The following TIRAP variants were observed in gnomAD, a reference collection of about 807,000 sequenced individuals.
The protein encoded by TIRAP is TIR domain containing adaptor protein.
Under a neutral mutation model 19.8 loss-of-function variants are expected in TIRAP, and 20 were observed. The observed-to-expected ratio is 1.01, with a 90% CI of 0.71 to 1.47. The LOEUF (loss-of-function observed/expected upper bound fraction) is 1.47. TIRAP is among the 40% of genes most tolerant of loss of function. The probability of loss-of-function intolerance (pLI) is 0.00; values close to 1 mark genes in which losing one functional copy is unlikely to be tolerated. For synonymous variants in TIRAP, 125 were observed against 121.7 expected (o/e 1.03, Z -0.18); for missense variants, 276 against 285.1 (o/e 0.97, Z 0.23).
chr11:126,292,171 G>A lies in TIRAP; in HGVS notation c.68-306G>A, dbSNP rs1051230837. 2.6e-5 allele frequency among the ~76,000 whole-genome samples: 4 copies of A among 151,706 alleles called. 1 individual carries two copies. Among genetic ancestry groups the A allele is most frequent in the African/African-American group, 9.7e-5 (4 of 41,124 alleles). On this transcript the variant is annotated intron_variant, in intron 3 of 4. Transcript: ENST00000392679. ...ATACAAAAATTAGCCAGGTGTGGTGGTGCATGCCTGTAATCCCAGCTACTC... is the reference window on the plus strand; with the variant it reads ...ATACAAAAATTAGCCAGGTGTGGTGATGCATGCCTGTAATCCCAGCTACTC...
intron 4 of TIRAP, 122 bp downstream of exon 4, chr11:126,293,177 C>T (rs902940878): frequency 3.0e-5 from 47 of 1,550,586 alleles, no homozygotes; most frequent in South Asian, 7.0e-5. Flanking sequence ...AAAAGGCTGT[C>T]GGGGTTTGTA....
chr11:126,283,183 G>C (rs1591370462), intron 1 of TIRAP, 30 bp downstream of exon 1: 1 of 975,332 alleles, frequency 1.0e-6, no homozygotes, highest in Non-Finnish European at 1.2e-6. Flanking sequence ...GCGGGGGACC[G>C]GGAGGCGCGG....
Position 126,291,051 on chromosome 11 carries a change from A to T in TIRAP, c.67+90A>T. 6.9e-7 allele frequency: 1 copy of T among 1,439,022 alleles called. No individual in the cohort carries two copies. The highest frequency in any genetic ancestry group is 2.5e-5 in the East Asian group (1 of 40,176). The allele number at this position is 1,439,022 out of a possible 1,614,324, so 89.1% of individuals were successfully genotyped here. On this transcript the variant is annotated intron_variant, in intron 3 of 4. Coordinates refer to ENST00000392679, the MANE Select transcript of TIRAP (RefSeq NM_001318777.2). The surrounding 1 kb of genome is among the most constrained non-coding windows in gnomAD (Gnocchi z 5.6). ...GCGGTGGGAGGCCTGCCTGGTCCAA[A>T]CTCAGAGAGACGCAGGAAGGCTGAC...
At chr11:126,283,755 G>A (rs1193443111) in intron 1 of TIRAP, among the ~76,000 whole-genome samples, 1 of 152,176 alleles carries the variant, frequency 6.6e-6, no homozygotes, top group Non-Finnish European at 1.5e-5. Flanking sequence ...CAACAGAGAG[G>A]GGGAAGTGTG....
At position 126,287,413 on chromosome 11, in the gene TIRAP, C is replaced by T. The variant is rs978680647; in HGVS notation, c.-216-3049C>T. 1.6e-4 allele frequency among the ~76,000 whole-genome samples: 25 copies of T among 151,894 alleles called. No individual in the cohort carries two copies. The highest frequency in any genetic ancestry group is 9.2e-4 in the Admixed American group (14 of 15,252). On this transcript the variant is annotated intron_variant, in intron 1 of 4. Coordinates refer to ENST00000392679, the MANE Select transcript of TIRAP (RefSeq NM_001318777.2). The surrounding 1 kb of genome is among the most constrained non-coding windows in gnomAD (Gnocchi z 4.2). ...TCGGCTCACTGCAACCTCCACCTCC[C>T]GGGTTCAAGTGATTCTCCTGCCTCA...
chr11:126,286,012 A>ACACTG (rs1951317783), intron 1 of TIRAP, among the ~76,000 whole-genome samples: 1 of 149,402 alleles, frequency 6.7e-6, no homozygotes, highest in African/African-American at 2.5e-5. Context: ...TGTAATCACA[A>ACACTG]CACTGCACTC....
intron 4 of TIRAP, 179 bp downstream of exon 4, chr11:126,293,234 T>G: frequency 2.7e-6 from 3 of 1,113,930 alleles, no homozygotes; most frequent in Non-Finnish European, 2.6e-6. Context: ...CTTGGCCAAG[T>G]TACTCACCCG....
In TIRAP at chr11:126,283,148, G is replaced by T. The variant is rs1036349914; in HGVS notation, c.-222G>T. The T allele has an allele frequency of 1.0e-6, 1 of 984,684 alleles. No individual in the cohort carries two copies. Among genetic ancestry groups the T allele is most frequent in the Admixed American group, 6.2e-5 (1 of 16,208 alleles). The allele number at this position is 984,684 out of a possible 1,614,324, so 61.0% of individuals were successfully genotyped here. A position where few individuals can be genotyped will look rare whatever the true frequency, so the allele number is the denominator to read the frequency against. On this transcript the variant is annotated 5_prime_UTR_variant, in exon 1 of 5. Coordinates refer to ENST00000392679, the MANE Select transcript of TIRAP (RefSeq NM_001318777.2). ...CAGCCCTCATCGCAACTGGGCCCGCGCGCAGGTGAGCCCGGGGCGGGGTCG... is the reference window on the plus strand; with the variant it reads ...CAGCCCTCATCGCAACTGGGCCCGCTCGCAGGTGAGCCCGGGGCGGGGTCG...
chr11:126,290,453 C>T lies in TIRAP; in HGVS notation c.-216-9C>T. 1 of 990,994 alleles carries T rather than the reference C, an allele frequency of 1.0e-6. No homozygotes were observed. The highest frequency in any genetic ancestry group is 1.2e-6 in the Non-Finnish European group (1 of 833,756). 61.4% of individuals were successfully genotyped at this position (990,994 alleles called of 1,614,324 possible). A position where few individuals can be genotyped will look rare whatever the true frequency, so the allele number is the denominator to read the frequency against. On this transcript the variant is annotated splice_polypyrimidine_tract_variant and intron_variant, in intron 1 of 4. Coordinates refer to ENST00000392679, the MANE Select transcript of TIRAP (RefSeq NM_001318777.2). This position sits in a 1 kb window ranked among gnomAD's most constrained non-coding sequence, Gnocchi z 4.9. The stretch of plus-strand genomic sequence containing the variant: ...CCAAATAGCAACTGTCCTTCTTCTG[C>T]CATTTCAGGCCTTACATAGGAAGTC...
intron 1 of TIRAP, among the ~76,000 whole-genome samples, chr11:126,283,460 CAG>C (rs1441942700): frequency 2.0e-5 from 3 of 152,268 alleles, no homozygotes; most frequent in Admixed American, 2.0e-4. Flanking sequence ...GCCTGGCGCT[CAG>C]TGCGTTGTGG....
intron 3 of TIRAP, among the ~76,000 whole-genome samples, chr11:126,292,069 GC>G (rs1477502239): frequency 6.6e-6 from 1 of 152,036 alleles, no homozygotes; most frequent in Non-Finnish European, 1.5e-5. Context: ...ACTTTGGGAG[GC>G]TGAGGCGGGC....
chr11:126,285,798 G>C (rs1591371640), intron 1 of TIRAP, among the ~76,000 whole-genome samples: 1 of 151,732 alleles, frequency 6.6e-6, no homozygotes, highest in Admixed American at 6.6e-5. Flanking sequence ...AGCACTTTGG[G>C]AGGCTGAGGT....
chr11:126,292,466 C>T lies in TIRAP; in HGVS notation c.68-11C>T, dbSNP rs757708701. 1.2e-6 allele frequency: 2 copies of T among 1,613,100 alleles called. No homozygotes were observed. The highest frequency in any genetic ancestry group is 1.7e-5 in the Admixed American group (1 of 59,918). Reference sequence around the variant, plus strand: ...TAACACACAGGCCTGAGCAGTGTTTCTCCCCCACAGACTGGTTCAGGCAGA... The same window carrying T: ...TAACACACAGGCCTGAGCAGTGTTTTTCCCCCACAGACTGGTTCAGGCAGA... On this transcript the variant is annotated splice_polypyrimidine_tract_variant and intron_variant, in intron 3 of 4. Coordinates refer to ENST00000392679, the MANE Select transcript of TIRAP (RefSeq NM_001318777.2).
At position 126,287,377 on chromosome 11, in the gene TIRAP, G is replaced by A. The variant is rs1478928769; in HGVS notation, c.-216-3085G>A. Among the ~76,000 whole-genome samples the A allele has an allele frequency of 6.6e-6, 1 of 151,812 alleles. No homozygotes were observed. Among genetic ancestry groups the A allele is most frequent in the African/African-American group, 2.4e-5 (1 of 41,286 alleles). On this transcript the variant is annotated intron_variant, in intron 1 of 4. Coordinates refer to ENST00000392679, the MANE Select transcript of TIRAP (RefSeq NM_001318777.2). The surrounding 1 kb of genome is among the most constrained non-coding windows in gnomAD (Gnocchi z 4.2). ...GCTCTGTTGCCCAGGCTGGAGTGCA[G>A]TGGCATGATCTCGGCTCACTGCAAC...
intron 1 of TIRAP, among the ~76,000 whole-genome samples, chr11:126,286,056 A>G (rs1951318746): frequency 7.2e-6 from 1 of 138,762 alleles, no homozygotes; most frequent in African/African-American, 2.7e-5. Context: ...CCTCTCTGGA[A>G]AAAAAAAAAA....
At chr11:126,286,054 GAAAAAAAAAAAA>G (rs1182840430) in intron 1 of TIRAP, among the ~76,000 whole-genome samples, 1 of 48,326 alleles carries the variant, frequency 2.1e-5, no homozygotes, top group African/African-American at 8.5e-5. Flanking sequence ...ACCCTCTCTG[GAAAAAAAAAAAA>G]AAAAAAAAAA....
chr11:126,290,472 G>C lies in TIRAP; in HGVS notation c.-206G>C, dbSNP rs1214438553. The C allele has an allele frequency of 1.3e-5, 13 of 994,546 alleles. No individual in the cohort carries two copies. The highest frequency in any genetic ancestry group is 1.6e-5 in the Non-Finnish European group (13 of 836,298). The allele number at this position is 994,546 out of a possible 1,614,324, so 61.6% of individuals were successfully genotyped here. A position where few individuals can be genotyped will look rare whatever the true frequency, so the allele number is the denominator to read the frequency against. On this transcript the variant is annotated 5_prime_UTR_variant, in exon 2 of 5. Coordinates refer to ENST00000392679, the MANE Select transcript of TIRAP (RefSeq NM_001318777.2). This position sits in a 1 kb window ranked among gnomAD's most constrained non-coding sequence, Gnocchi z 4.9. ...CTTCTGCCATTTCAGGCCTTACATA[G>C]GAAGTCCTTCTAAAGAGCTGCCTGC...
intron 1 of TIRAP, among the ~76,000 whole-genome samples, chr11:126,284,033 C>CTT (rs749115228): frequency 0.13 from 14,440 of 113,120 alleles, 1,393 homozygotes; most frequent in African/African-American, 0.16. Flanking sequence ...TCATGTACTT[C>CTT]TTTTTTTTTT....
Position 126,294,576 on chromosome 11 carries a change from T to A in TIRAP, c.*889T>A, listed in dbSNP as rs573259758. ...ACCTTTGGACTGGGAAGAATCACCA[T>A]TTTTCTTCTGGCAGATGACTGTATT... is the stretch of plus-strand genomic sequence containing the variant. On this transcript the variant is annotated 3_prime_UTR_variant, in exon 5 of 5. Transcript: ENST00000392679. 6.4e-5 allele frequency: 29 copies of A among 456,266 alleles called. No homozygotes were observed. The highest frequency in any genetic ancestry group is 8.8e-5 in the Non-Finnish European group (20 of 226,958). 28.3% of individuals were successfully genotyped at this position (456,266 alleles called of 1,614,324 possible).
Sources: gnomAD v4.1 joint callset for allele counts (sites outside exome capture counted in the v4.1 genomes callset) on GRCh38, gnomAD v4.1.1 for gene constraint, Gnocchi (gnomAD v3.1) non-coding constraint, MANE v1.5 for transcripts, NCBI Gene and HGNC (gene_info 2026-07-23, HGNC 2026-07-21) for gene names.